Variants in CD200R1 observed in about 807,000 individuals in gnomAD.
CD200R1 encodes the protein cell surface glycoprotein CD200 receptor 1.
In CD200R1, 30 loss-of-function variants were observed where a neutral mutation model predicts 38.1. The ratio of observed to expected loss-of-function variants is 0.79; its 90% confidence interval spans 0.59 to 1.07. The LOEUF (loss-of-function observed/expected upper bound fraction) is 1.07, where lower values mean the gene tolerates loss of function less well. Ranked by LOEUF, CD200R1 falls within the 50% of genes least tolerant of loss-of-function variation. CD200R1 has a pLI of 0.00. For synonymous variants in CD200R1, 128 were observed against 152.1 expected (o/e 0.84, Z 1.16); for missense variants, 372 against 415.4 (o/e 0.90, Z 0.91).
chr3:112,946,964 CA>C (rs1271797020), intron 2 of CD200R1, among the ~76,000 whole-genome samples: 7 of 151,794 alleles, frequency 4.6e-5, no homozygotes, highest in Non-Finnish European at 8.8e-5. Context: ...AAAAAAGAGC[CA>C]TTAAGACATG....
At chr3:112,965,599 A>G (rs1212532288) in intron 1 of CD200R1, among the ~76,000 whole-genome samples, 1 of 152,088 alleles carries the variant, frequency 6.6e-6, no homozygotes, top group Non-Finnish European at 1.5e-5. Context: ...CGTCTCTACT[A>G]AAAATACAAA....
intron 2 of CD200R1, among the ~76,000 whole-genome samples, chr3:112,932,289 CTG>C (rs1940461552): frequency 6.6e-6 from 1 of 152,102 alleles, no homozygotes; most frequent in Admixed American, 6.5e-5. Flanking sequence ...TCAGGATTGG[CTG>C]TGACTCTGGT....
At chr3:112,936,314 T>C (rs1940579632) in intron 2 of CD200R1, among the ~76,000 whole-genome samples, 2 of 152,242 alleles carry the variant, frequency 1.3e-5, no homozygotes, top group South Asian at 4.1e-4. Flanking sequence ...TTTGGGTATA[T>C]ACCCAGTAAT....
At chr3:112,930,615 C>T (rs543815293) in intron 3 of CD200R1, among the ~76,000 whole-genome samples, 15 of 152,328 alleles carry the variant, frequency 9.8e-5, no homozygotes, top group African/African-American at 3.4e-4. Flanking sequence ...CACTACTCAC[C>T]TCTAACAAAG....
chr3:112,965,709 C>T (rs896789056), intron 1 of CD200R1, among the ~76,000 whole-genome samples: 9 of 151,764 alleles, frequency 5.9e-5, no homozygotes, highest in African/African-American at 9.7e-5. Flanking sequence ...TGCAGTTAGC[C>T]GAGATCGCAC....
intron 1 of CD200R1, among the ~76,000 whole-genome samples, chr3:112,954,261 T>G (rs1941036774): frequency 6.6e-6 from 1 of 152,184 alleles, no homozygotes; most frequent in Admixed American, 6.5e-5. Flanking sequence ...AGGCTTTATA[T>G]CCATAATGAT....
At position 112,921,294 on chromosome 3, in the gene CD200R1, T is replaced by C. The variant is rs1181727069; in HGVS notation, c.*2383A>G. The stretch of plus-strand genomic sequence containing the variant: ...ATGTCAACATTTACCAAAGTCCACA[T>C]TTTAAATATGTGCAAAATTTAACAA... On this transcript the variant is annotated 3_prime_UTR_variant, in exon 8 of 8. Transcript: ENST00000308611. The C allele has an allele frequency of 6.6e-6, 1 of 152,080 alleles. No individual in the cohort carries two copies. The highest frequency in any genetic ancestry group is 1.9e-4 in the East Asian group (1 of 5,180). 9.4% of individuals were successfully genotyped at this position (152,080 alleles called of 1,614,324 possible).
At position 112,933,317 on chromosome 3, in the gene CD200R1, G is replaced by A. The variant is rs562353801; in HGVS notation, c.137-2146C>T. On this transcript the variant is annotated intron_variant, in intron 2 of 7. Transcript: ENST00000308611. ...AGCCCCATAGTCCCAAACCCAGCAA[G>A]CCAGATGCCAAGTTGAGTAACCCAC... Among the ~76,000 whole-genome samples, 10 of 152,288 alleles carry A rather than the reference G, an allele frequency of 6.6e-5. No homozygotes were observed. The East Asian group carries it at 1.9e-3, about 29-fold the overall frequency.
At chr3:112,961,852 G>T (rs1401262242) in intron 1 of CD200R1, among the ~76,000 whole-genome samples, 1 of 152,024 alleles carries the variant, frequency 6.6e-6, no homozygotes, top group Non-Finnish European at 1.5e-5. Flanking sequence ...AATGGGCAAA[G>T]GTATGAACAG....
At chr3:112,960,327 A>G (rs1389954830) in intron 1 of CD200R1, among the ~76,000 whole-genome samples, 1 of 152,108 alleles carries the variant, frequency 6.6e-6, no homozygotes, top group Non-Finnish European at 1.5e-5. Context: ...CATGTCTCAC[A>G]GCATATTATC....
chr3:112,949,409 T>G (rs1379234121), intron 1 of CD200R1, among the ~76,000 whole-genome samples: 1 of 152,260 alleles, frequency 6.6e-6, no homozygotes, highest in African/African-American at 2.4e-5. Context: ...AGCAAACTGT[T>G]CTTTTAAGAT....
chr3:112,970,601 C>G (rs1429737837), intron 1 of CD200R1, among the ~76,000 whole-genome samples: 1 of 152,092 alleles, frequency 6.6e-6, no homozygotes, highest in Non-Finnish European at 1.5e-5. Context: ...CTACATTTTT[C>G]AGACACAAAT....
At chr3:112,962,870 T>C (rs1329688760) in intron 1 of CD200R1, among the ~76,000 whole-genome samples, 1 of 152,194 alleles carries the variant, frequency 6.6e-6, no homozygotes, top group African/African-American at 2.4e-5. Flanking sequence ...ATAAATGCAA[T>C]GCCACAAAGC....
Position 112,975,084 on chromosome 3 carries a change from C to A in CD200R1, c.-227G>T, listed in dbSNP as rs1933410002. 9.1e-6 allele frequency: 5 copies of A among 546,978 alleles called. No individual in the cohort carries two copies. Among genetic ancestry groups the A allele is most frequent in the Non-Finnish European group, 1.6e-5 (5 of 305,426 alleles). 33.9% of individuals were successfully genotyped at this position (546,978 alleles called of 1,614,324 possible). ...AGAAGCTTTTCTCTGGAACTTGACA[C>A]AGCAATAGATTTCCTGTATGAAGCC... On this transcript the variant is annotated 5_prime_UTR_variant, in exon 1 of 8. Transcript: ENST00000308611.
At chr3:112,923,877 T>C (rs1940224933) in intron 7 of CD200R1, 78 bp from the exon 8 acceptor site, 2 of 857,518 alleles carry the variant, frequency 2.3e-6, no homozygotes, top group African/African-American at 1.7e-5. Flanking sequence ...CAGTTGCCCA[T>C]AGCTTTAGTA....
chr3:112,935,378 C>T (rs1477482817), intron 2 of CD200R1, among the ~76,000 whole-genome samples: 1 of 152,164 alleles, frequency 6.6e-6, no homozygotes, highest in African/African-American at 2.4e-5. Flanking sequence ...AAATTACAAT[C>T]ATATCATCTT....
chr3:112,925,784 TATC>T (rs1473166123), intron 5 of CD200R1, among the ~76,000 whole-genome samples: 2 of 152,112 alleles, frequency 1.3e-5, no homozygotes, highest in East Asian at 3.8e-4. Context: ...AAAATAAAGT[TATC>T]TATATTTATA....
At chr3:112,962,242 A>G (rs187502779) in intron 1 of CD200R1, among the ~76,000 whole-genome samples, 3 of 152,282 alleles carry the variant, frequency 2.0e-5, no homozygotes, top group Admixed American at 1.3e-4. Flanking sequence ...CTTAATGAAG[A>G]CAAACATGTT....
chr3:112,934,033 A>G (rs1332791691), intron 2 of CD200R1, among the ~76,000 whole-genome samples: 2 of 152,088 alleles, frequency 1.3e-5, no homozygotes, highest in Non-Finnish European at 2.9e-5. Flanking sequence ...CTGGAAGGAG[A>G]AAAGAAAGAA....
Sources: gnomAD v4.1 joint callset for allele counts (sites outside exome capture counted in the v4.1 genomes callset) on GRCh38, gnomAD v4.1.1 for gene constraint, MANE v1.5 for transcripts, NCBI Gene and HGNC (gene_info 2026-07-23, HGNC 2026-07-21) for gene names.